The following MVB12B variants were observed in gnomAD, a reference collection of about 807,000 sequenced individuals.
MVB12B encodes the protein multivesicular body subunit 12B.
Under a neutral mutation model 41.6 loss-of-function variants are expected in MVB12B, and 16 were observed. The ratio of observed to expected loss-of-function variants is 0.38; its 90% CI spans 0.26 to 0.58. The LOEUF is 0.58. Ranked by LOEUF, MVB12B falls within the 20% of genes least tolerant of loss-of-function variation. The probability of loss-of-function intolerance (pLI) is 0.62; values close to 1 mark genes in which losing one functional copy is unlikely to be tolerated. For synonymous variants in MVB12B, 133 were observed against 139.7 expected (o/e 0.95, Z 0.34); for missense variants, 274 against 380.2 (o/e 0.72, Z 2.32).
At position 126,480,255 on chromosome 9, in the gene MVB12B, T is replaced by C. The variant is rs1833500126; in HGVS notation, c.758-1114T>C. Among the ~76,000 whole-genome samples the C allele has an allele frequency of 6.6e-6, 1 of 152,050 alleles. No individual in the cohort carries two copies. The highest frequency in any genetic ancestry group is 6.5e-5 in the Admixed American group (1 of 15,276). On this transcript the variant is annotated intron_variant, in intron 7 of 9. Coordinates refer to ENST00000361171, the MANE Select transcript of MVB12B (RefSeq NM_033446.3). This position sits in a 1 kb window ranked among gnomAD's most constrained non-coding sequence, Gnocchi z 4.9. ...CAGGCCCCTAACAACTGCGGCTGCATGTTCCCGACTCTTCCCAGACCTAAG... is the reference window on the plus strand; with the variant it reads ...CAGGCCCCTAACAACTGCGGCTGCACGTTCCCGACTCTTCCCAGACCTAAG...
At chr9:126,502,134 CCACTGATCTAAT>C (rs1414764149) in intron 9 of MVB12B, among the ~76,000 whole-genome samples, 1 of 152,156 alleles carries the variant, frequency 6.6e-6, no homozygotes, top group East Asian at 1.9e-4. Context: ...TGCTTGAAAA[CCACTGATCTAAT>C]CTAAGCTCCT....
chr9:126,454,162 T>C (rs1358879225), intron 7 of MVB12B, among the ~76,000 whole-genome samples: 2 of 152,212 alleles, frequency 1.3e-5, no homozygotes, highest in African/African-American at 4.8e-5. Flanking sequence ...CAAAGATCAG[T>C]TTTGAAATAA....
intron 9 of MVB12B, among the ~76,000 whole-genome samples, chr9:126,493,275 T>C (rs1833771504): frequency 6.6e-6 from 1 of 152,194 alleles, no homozygotes; most frequent in Non-Finnish European, 1.5e-5. Flanking sequence ...GACAGCTTTA[T>C]TTTACCCTAA....
intron 7 of MVB12B, among the ~76,000 whole-genome samples, chr9:126,455,400 A>C (rs1832962007): frequency 6.6e-6 from 1 of 151,622 alleles, no homozygotes; most frequent in Non-Finnish European, 1.5e-5. Flanking sequence ...GTTGGCCAGG[A>C]TGGTCTCGAT....
chr9:126,342,077 A>G (rs989639170), intron 2 of MVB12B, among the ~76,000 whole-genome samples: 1 of 152,248 alleles, frequency 6.6e-6, no homozygotes, highest in Non-Finnish European at 1.5e-5. Flanking sequence ...AAATAGAATC[A>G]TTAGGTATGG....
chr9:126,501,831 A>C (rs1181395116), intron 9 of MVB12B, among the ~76,000 whole-genome samples: 1 of 152,102 alleles, frequency 6.6e-6, no homozygotes, highest in Non-Finnish European at 1.5e-5. Context: ...CGCTCTGGGC[A>C]GCAGGGAGGG....
At chr9:126,443,806 C>T (rs1832701796) in intron 7 of MVB12B, among the ~76,000 whole-genome samples, 2 of 152,230 alleles carry the variant, frequency 1.3e-5, no homozygotes, top group Admixed American at 1.3e-4. Context: ...TACAGGATAG[C>T]CGCCTCCAGA....
At chr9:126,408,742 A>C (rs1370809480) in intron 6 of MVB12B, among the ~76,000 whole-genome samples, 1 of 151,966 alleles carries the variant, frequency 6.6e-6, no homozygotes, top group Non-Finnish European at 1.5e-5. Context: ...ATGTGGCAAA[A>C]TGTGTTGTTT....
intron 7 of MVB12B, among the ~76,000 whole-genome samples, chr9:126,471,177 C>T (rs1375011357): frequency 6.6e-6 from 1 of 152,206 alleles, no homozygotes; most frequent in African/African-American, 2.4e-5. Flanking sequence ...AGCCTTGCCC[C>T]ATTTTCTCAG....
intron 2 of MVB12B, among the ~76,000 whole-genome samples, chr9:126,364,534 C>T (rs1395433445): frequency 6.6e-6 from 1 of 152,234 alleles, no homozygotes; most frequent in Non-Finnish European, 1.5e-5. Context: ...GAAATGCTGG[C>T]TGGATCACTA....
At chr9:126,446,725 A>C (rs1274729787) in intron 7 of MVB12B, among the ~76,000 whole-genome samples, 1 of 151,888 alleles carries the variant, frequency 6.6e-6, no homozygotes, top group Non-Finnish European at 1.5e-5. Context: ...TTATTGGTAC[A>C]AAATTTTACT....
chr9:126,465,828 G>A (rs927237854), intron 7 of MVB12B, among the ~76,000 whole-genome samples: 8 of 152,002 alleles, frequency 5.3e-5, no homozygotes, highest in East Asian at 1.9e-4. Flanking sequence ...TCCTTGCTTC[G>A]CCCCTAGAAT....
At chr9:126,494,012 A>T (rs1249703946) in intron 9 of MVB12B, among the ~76,000 whole-genome samples, 1 of 151,916 alleles carries the variant, frequency 6.6e-6, no homozygotes, top group African/African-American at 2.4e-5. Context: ...AGGCCTCCTT[A>T]TGTCATCCGT....
chr9:126,479,834 G>A (rs185190934), intron 7 of MVB12B, among the ~76,000 whole-genome samples: 1 of 152,238 alleles, frequency 6.6e-6, no homozygotes, highest in East Asian at 1.9e-4. Context: ...AAAATAAAGT[G>A]TGAGCAGAGT....
intron 9 of MVB12B, among the ~76,000 whole-genome samples, chr9:126,496,784 A>C (rs1400308537): frequency 6.6e-6 from 1 of 152,072 alleles, no homozygotes; most frequent in Non-Finnish European, 1.5e-5. Flanking sequence ...GGGAGCTGGG[A>C]ATCACTTGCC....
chr9:126,382,731 A>C (rs1830670190), intron 3 of MVB12B, among the ~76,000 whole-genome samples: 2 of 152,018 alleles, frequency 1.3e-5, no homozygotes, highest in Non-Finnish European at 2.9e-5. Context: ...TTTTCATTGC[A>C]TTTCCCCCCA....
At chr9:126,466,047 A>G (rs183047274) in intron 7 of MVB12B, among the ~76,000 whole-genome samples, 12 of 152,340 alleles carry the variant, frequency 7.9e-5, no homozygotes, top group Admixed American at 1.3e-4. Flanking sequence ...TAGCCCCTCC[A>G]TCAGTTAGTT....
chr9:126,357,205 T>A (rs1456463569), intron 2 of MVB12B, among the ~76,000 whole-genome samples: 1 of 152,244 alleles, frequency 6.6e-6, no homozygotes, highest in Admixed American at 6.5e-5. Context: ...CCTTGTTTGT[T>A]TGTTTAATGA....
In MVB12B at chr9:126,503,986, G is replaced by A; in HGVS notation, c.*723G>A. The A allele has an allele frequency of 6.6e-6, 1 of 152,510 alleles. No individual in the cohort carries two copies. 9.4% of individuals were successfully genotyped at this position (152,510 alleles called of 1,614,324 possible). On this transcript the variant is annotated 3_prime_UTR_variant, in exon 10 of 10. Transcript: ENST00000361171. The stretch of plus-strand genomic sequence containing the variant: ...ATCCACCACCAGGACGCTGTGCTCG[G>A]CCATGGCGCGCCTCCCCCAAGGGCT...
Sources: gnomAD v4.1 joint callset for allele counts (sites outside exome capture counted in the v4.1 genomes callset) on GRCh38, gnomAD v4.1.1 for gene constraint, Gnocchi (gnomAD v3.1) non-coding constraint, MANE v1.5 for transcripts, NCBI Gene and HGNC (gene_info 2026-07-23, HGNC 2026-07-21) for gene names.